The following CSMD3 variants were observed in gnomAD, a reference collection of about 807,000 sequenced individuals.
CSMD3 encodes the protein CUB and Sushi multiple domains 3, also known as CUB and sushi domain-containing protein 3.
In CSMD3, 177 loss-of-function variants were observed where a neutral mutation model predicts 435.2. The ratio of observed to expected loss-of-function variants is 0.41; its 90% CI spans 0.36 to 0.46. The LOEUF (loss-of-function observed/expected upper bound fraction) is 0.46, where lower values mean the gene tolerates loss of function less well. Ranked by LOEUF, CSMD3 falls within the 20% of genes least tolerant of loss-of-function variation. The probability of loss-of-function intolerance (pLI) is 0.34; values close to 1 mark genes in which losing one functional copy is unlikely to be tolerated. For missense variants in CSMD3, 4,265 were observed against 4,504.6 expected (o/e 0.95, Z 1.52); for synonymous variants, 1,656 against 1,520.5 (o/e 1.09, Z -2.07).
At chr8:113,283,737 C>T (rs1428877198) in intron 2 of CSMD3, among the ~76,000 whole-genome samples, 3 of 152,078 alleles carry the variant, frequency 2.0e-5, no homozygotes, top group African/African-American at 7.2e-5. Flanking sequence ...GGGTACCTAT[C>T]CAGAGGATAT....
chr8:112,559,618 T>C (rs567933880), intron 24 of CSMD3, among the ~76,000 whole-genome samples: 22 of 151,854 alleles, frequency 1.4e-4, no homozygotes, highest in African/African-American at 5.1e-4. Flanking sequence ...ATATTCAAAG[T>C]AAAGTTAATA....
intron 4 of CSMD3, among the ~76,000 whole-genome samples, chr8:113,146,550 A>G (rs904135488): frequency 6.6e-6 from 1 of 151,674 alleles, no homozygotes; most frequent in Admixed American, 6.6e-5. Context: ...TTCCTAAAAT[A>G]AGGTACATTT....
intron 35 of CSMD3, among the ~76,000 whole-genome samples, chr8:112,396,266 C>G (rs1286517110): frequency 6.6e-6 from 1 of 152,126 alleles, no homozygotes; most frequent in Admixed American, 6.6e-5. Context: ...TGGATGCTGA[C>G]TTGGCTTAAG....
chr8:113,206,969 T>G (rs189164036), intron 3 of CSMD3, among the ~76,000 whole-genome samples: 48 of 152,286 alleles, frequency 3.2e-4, no homozygotes, highest in African/African-American at 1.1e-3. Context: ...GTTTCTCAAG[T>G]ATGAAATTTC....
intron 1 of CSMD3, among the ~76,000 whole-genome samples, chr8:113,373,997 G>A (rs952946720): frequency 1.3e-5 from 2 of 151,872 alleles, no homozygotes; most frequent in African/African-American, 4.8e-5. Flanking sequence ...TAAAATTCAG[G>A]TCCAATTAAA....
At chr8:112,488,534 C>T (rs1006152508) in intron 31 of CSMD3, among the ~76,000 whole-genome samples, 1 of 152,156 alleles carries the variant, frequency 6.6e-6, no homozygotes, top group Non-Finnish European at 1.5e-5. Context: ...CAGTTAACTT[C>T]CTACGTATGC....
Position 113,006,547 on chromosome 8 carries a change from G to A in CSMD3, c.1030+12520C>T, listed in dbSNP as rs148357070. On this transcript the variant is annotated intron_variant, in intron 6 of 70. Coordinates refer to ENST00000297405, the MANE Select transcript of CSMD3 (RefSeq NM_198123.2). ...ACAAAAAGGACTGGTGTCCATGTCT[G>A]AAAAAATTCTAAGCAAACTCATACA... Among the ~76,000 whole-genome samples, 58 of 152,030 alleles carry A rather than the reference G, an allele frequency of 3.8e-4. 1 individual carries two copies. Among genetic ancestry groups the A allele is most frequent in the Admixed American group, 1.1e-3 (16 of 15,202 alleles).
At chr8:113,436,508 C>A (rs1164126851) in intron 1 of CSMD3, among the ~76,000 whole-genome samples, 169 bp downstream of exon 1, 1 of 152,130 alleles carries the variant, frequency 6.6e-6, no homozygotes, top group Non-Finnish European at 1.5e-5. Context: ...ATCTGGCAAG[C>A]AAAATGCATT....
chr8:112,962,317 C>T (rs2084261690), intron 7 of CSMD3, among the ~76,000 whole-genome samples: 5 of 151,498 alleles, frequency 3.3e-5, no homozygotes, highest in Admixed American at 3.3e-4. Flanking sequence ...TTTTCTTACT[C>T]ATGATAAAAT....
At chr8:113,265,967 A>G (rs1737584055) in intron 3 of CSMD3, among the ~76,000 whole-genome samples, 1 of 151,564 alleles carries the variant, frequency 6.6e-6, no homozygotes, top group South Asian at 2.1e-4. Context: ...TTTAAGAATG[A>G]AAATCCATTA....
intron 22 of CSMD3, among the ~76,000 whole-genome samples, chr8:112,594,058 T>C (rs1206994702): frequency 2.6e-5 from 4 of 152,002 alleles, no homozygotes; most frequent in East Asian, 3.9e-4. Flanking sequence ...CAGCTCCCAG[T>C]GTGAGCGACG....
rs1263064370 is a variant in CSMD3, at chr8:112,255,250, T to C, written c.10036+4A>G. 6.2e-7 allele frequency: 1 copy of C among 1,609,692 alleles called. No individual in the cohort carries two copies. The highest frequency in any genetic ancestry group is 8.5e-7 in the Non-Finnish European group (1 of 1,176,200). On this transcript the variant is annotated splice_donor_region_variant and intron_variant, in intron 62 of 70. Transcript: ENST00000297405. ...GTGCATAATCAGCCTTTAATTAATATTACCTATGCAGTGAGGTGATGAACC... is the reference window on the plus strand; with the variant it reads ...GTGCATAATCAGCCTTTAATTAATACTACCTATGCAGTGAGGTGATGAACC...
intron 4 of CSMD3, among the ~76,000 whole-genome samples, chr8:113,126,135 A>G (rs1360641132): frequency 6.6e-6 from 1 of 151,986 alleles, no homozygotes; most frequent in Non-Finnish European, 1.5e-5. Flanking sequence ...AAACTTTTTC[A>G]CACTTATTTC....
chr8:112,699,166 A>G (rs2076328137), intron 13 of CSMD3, among the ~76,000 whole-genome samples: 1 of 152,138 alleles, frequency 6.6e-6, no homozygotes, highest in African/African-American at 2.4e-5. Context: ...CCCCCTTGAT[A>G]ATAAATCTTG....
chr8:112,807,794 C>T (rs1281543338), intron 12 of CSMD3, among the ~76,000 whole-genome samples: 1 of 152,022 alleles, frequency 6.6e-6, no homozygotes, highest in Non-Finnish European at 1.5e-5. Context: ...AACTTGGAAG[C>T]CTCACTTTTA....
intron 35 of CSMD3, among the ~76,000 whole-genome samples, chr8:112,394,877 A>G (rs1034880935): frequency 3.9e-5 from 6 of 152,232 alleles, no homozygotes; most frequent in Non-Finnish European, 5.9e-5. Context: ...TGCTTAGAAT[A>G]GTGTTGGCAT....
At chr8:112,738,229 T>C (rs2077228106) in intron 13 of CSMD3, among the ~76,000 whole-genome samples, 1 of 151,778 alleles carries the variant, frequency 6.6e-6, no homozygotes, top group Non-Finnish European at 1.5e-5. Flanking sequence ...TGCCTAACCA[T>C]TCATTTTATA....
intron 3 of CSMD3, among the ~76,000 whole-genome samples, chr8:113,182,614 CCCTTCATGTG>C (rs1378932165): frequency 5.3e-5 from 8 of 151,980 alleles, no homozygotes; most frequent in African/African-American, 1.9e-4. Context: ...CCAGTTATTT[CCCTTCATGTG>C]ACTCTCTCAT....
intron 1 of CSMD3, among the ~76,000 whole-genome samples, chr8:113,334,325 T>G (rs2094053561): frequency 6.6e-6 from 1 of 151,342 alleles, no homozygotes; most frequent in African/African-American, 2.4e-5. Context: ...TGTTACATAT[T>G]TCCTTGTATT....
Sources: allele counts gnomAD v4.1 joint callset (sites outside exome capture counted in the v4.1 genomes callset), GRCh38; gene constraint gnomAD v4.1.1; transcripts MANE v1.5; gene names NCBI Gene and HGNC (gene_info 2026-07-23, HGNC 2026-07-21).